The following PTGER4 variants were observed in gnomAD, a reference collection of about 807,000 sequenced individuals.
The protein encoded by PTGER4 is prostaglandin E2 receptor EP4 subtype.
Under a neutral mutation model 33.2 loss-of-function variants are expected in PTGER4, and 11 were observed. The ratio of observed to expected loss-of-function variants is 0.33; its 90% CI spans 0.21 to 0.55. The LOEUF (loss-of-function observed/expected upper bound fraction) is 0.55. PTGER4 is among the 20% of genes least tolerant of loss of function. PTGER4 has a pLI of 0.92. For synonymous variants in PTGER4, 275 were observed against 281.5 expected (o/e 0.98, Z 0.23); for missense variants, 481 against 650.2 (o/e 0.74, Z 2.83).
chr5:40,697,226 A>G (rs943159677), downstream of PTGER4, among the ~76,000 whole-genome samples: 26 of 112,638 alleles, frequency 2.3e-4, no homozygotes, highest in African/African-American at 6.9e-4. Context: ...AAGAAAGAAG[A>G]AAAGAAAGAA....
the PTGER4 span, chr5:40,716,588 C>T: frequency 2.5e-6 from 2 of 797,524 alleles, no homozygotes. Flanking sequence ...ATATACTGTA[C>T]ACATACACAT....
the PTGER4 span, among the ~76,000 whole-genome samples, chr5:40,743,533 G>A: frequency 6.6e-6 from 1 of 152,092 alleles, no homozygotes; most frequent in Admixed American, 6.6e-5. Context: ...AGCACTTTGG[G>A]AGGCTGAGGC....
At chr5:40,682,189 C>T (rs982266788) in intron 2 of PTGER4, among the ~76,000 whole-genome samples, 2 of 151,788 alleles carry the variant, frequency 1.3e-5, no homozygotes, top group Admixed American at 6.6e-5. Context: ...CTCTGTTAGA[C>T]GTGGAGGGGA....
the PTGER4 span, among the ~76,000 whole-genome samples, chr5:40,732,118 T>C: frequency 6.6e-6 from 1 of 152,182 alleles, no homozygotes; most frequent in East Asian, 1.9e-4. Flanking sequence ...CTCAAGGGCC[T>C]CCCACCTCAG....
chr5:40,689,665 T>C (rs1048947180), intron 2 of PTGER4, among the ~76,000 whole-genome samples: 1 of 152,056 alleles, frequency 6.6e-6, no homozygotes, highest in Non-Finnish European at 1.5e-5. Flanking sequence ...ACACCATGAG[T>C]CATTCATTGT....
chr5:40,696,992 GAGAA>G (rs1327804631), downstream of PTGER4, among the ~76,000 whole-genome samples: 2 of 144,138 alleles, frequency 1.4e-5, no homozygotes, highest in Non-Finnish European at 3.0e-5. Flanking sequence ...AAGAGAGAAA[GAGAA>G]AGGGAAAGAA....
At chr5:40,745,024 G>A in the PTGER4 span, among the ~76,000 whole-genome samples, 5 of 152,162 alleles carry the variant, frequency 3.3e-5, no homozygotes, top group African/African-American at 9.7e-5. Flanking sequence ...ACATGAGATA[G>A]AGGAACAAAT....
At chr5:40,731,961 T>C in the PTGER4 span, among the ~76,000 whole-genome samples, 1 of 152,222 alleles carries the variant, frequency 6.6e-6, no homozygotes, top group African/African-American at 2.4e-5. Context: ...ATACAATTAT[T>C]TTCCCAAAAA....
the PTGER4 span, among the ~76,000 whole-genome samples, chr5:40,708,067 A>G: frequency 6.6e-6 from 1 of 152,124 alleles, no homozygotes; most frequent in Non-Finnish European, 1.5e-5. Context: ...TAAATGCCCA[A>G]AAGAGAAAGC....
At chr5:40,734,128 A>C in the PTGER4 span, among the ~76,000 whole-genome samples, 1 of 152,154 alleles carries the variant, frequency 6.6e-6, no homozygotes, top group Non-Finnish European at 1.5e-5. Context: ...GTGGGTATTT[A>C]CTTCACTATC....
the PTGER4 span, among the ~76,000 whole-genome samples, chr5:40,706,509 A>G: frequency 2.0e-5 from 3 of 152,170 alleles, no homozygotes; most frequent in African/African-American, 7.2e-5. Context: ...ACTTAAGCTT[A>G]AAACAAAAAG....
chr5:40,699,533 C>T, the PTGER4 span, among the ~76,000 whole-genome samples: 14 of 151,966 alleles, frequency 9.2e-5, no homozygotes, highest in African/African-American at 2.9e-4. Context: ...ACTTGAAAAC[C>T]AAAGATATTA....
Position 40,680,644 on chromosome 5 carries a change from C to T in PTGER4, c.-44+166C>T, listed in dbSNP as rs546430904. Among the ~76,000 whole-genome samples, 15 of 152,220 alleles carry T rather than the reference C, an allele frequency of 9.9e-5. No homozygotes were observed. Among genetic ancestry groups the T allele is most frequent in the Non-Finnish European group, 2.1e-4 (14 of 68,036 alleles). The stretch of plus-strand genomic sequence containing the variant: ...CAGAATCTATCGAGAATAGCACTAG[C>T]GAGCTACTTTTCCCTTGAGATGGGT... On this transcript the variant is annotated intron_variant, in intron 1 of 2. Transcript: ENST00000302472. The surrounding 1 kb of genome is among the most constrained non-coding windows in gnomAD (Gnocchi z 5.5).
chr5:40,697,412 C>A (rs1163822809), downstream of PTGER4, among the ~76,000 whole-genome samples: 2 of 151,488 alleles, frequency 1.3e-5, no homozygotes, highest in African/African-American at 4.8e-5. Context: ...ATGGAGAAAC[C>A]CTGTCTCTAC....
At chr5:40,703,624 C>T in the PTGER4 span, among the ~76,000 whole-genome samples, 41 of 152,002 alleles carry the variant, frequency 2.7e-4, no homozygotes, top group African/African-American at 8.9e-4. Flanking sequence ...AGGAAGAGGC[C>T]GGGCACGGTG....
the PTGER4 span, among the ~76,000 whole-genome samples, chr5:40,729,489 A>C: frequency 6.6e-6 from 1 of 152,170 alleles, no homozygotes; most frequent in Admixed American, 6.5e-5. Flanking sequence ...TTAAAGTACA[A>C]ATGTTATTTT....
chr5:40,728,301 A>AATATAATTAAAATTT, the PTGER4 span: 1 of 1,408,874 alleles, frequency 7.1e-7, no homozygotes, highest in Non-Finnish European at 9.6e-7. Context: ...AAAAAGTCAA[A>AATATAATTAAAATTT]ATATACTTAA....
the PTGER4 span, among the ~76,000 whole-genome samples, chr5:40,738,483 ACAATAC>A: frequency 1.8e-4 from 25 of 138,590 alleles, no homozygotes; most frequent in Non-Finnish European, 3.6e-4. Flanking sequence ...ACAATACAAT[ACAATAC>A]AATACAATAC....
chr5:40,715,476 A>C, the PTGER4 span: 1 of 152,336 alleles, frequency 6.6e-6, no homozygotes, highest in African/African-American at 2.4e-5. Flanking sequence ...CATATTTATC[A>C]ATACTTTACA....
Sources: gnomAD v4.1 joint callset for allele counts (sites outside exome capture counted in the v4.1 genomes callset) on GRCh38, gnomAD v4.1.1 for gene constraint, Gnocchi (gnomAD v3.1) non-coding constraint, MANE v1.5 for transcripts, NCBI Gene and HGNC (gene_info 2026-07-23, HGNC 2026-07-21) for gene names.